The following JMJD1C variants were observed in gnomAD, a reference collection of about 807,000 sequenced individuals.
JMJD1C encodes jumonji domain containing 1C.
In JMJD1C, 31 loss-of-function variants were observed where a neutral mutation model predicts 245.3. The observed-to-expected ratio is 0.13, with a 90% CI of 0.09 to 0.17. The LOEUF (loss-of-function observed/expected upper bound fraction) is 0.17, where lower values mean the gene tolerates loss of function less well. JMJD1C is among the 10% of genes least tolerant of loss of function. The pLI, the probability that JMJD1C is intolerant of heterozygous loss-of-function variation, is 1.00. For missense variants in JMJD1C, 2,691 were observed against 3,000.2 expected (o/e 0.90, Z 2.41); for synonymous variants, 1,057 against 1,017.4 (o/e 1.04, Z -0.74).
chr10:63,261,521 C>T (rs1854749771), intron 3 of JMJD1C, among the ~76,000 whole-genome samples: 1 of 151,708 alleles, frequency 6.6e-6, no homozygotes, highest in Admixed American at 6.6e-5. Flanking sequence ...GCGGAGGTTG[C>T]AGTGAGCTGA....
At chr10:63,248,462 A>G (rs1253770027) in intron 3 of JMJD1C, among the ~76,000 whole-genome samples, 1 of 152,024 alleles carries the variant, frequency 6.6e-6, no homozygotes, top group Non-Finnish European at 1.5e-5. Flanking sequence ...CAGAGGTTGC[A>G]GTGAGCTCAG....
At chr10:63,400,247 C>T (rs965531493) in intron 1 of JMJD1C, among the ~76,000 whole-genome samples, 1 of 152,060 alleles carries the variant, frequency 6.6e-6, no homozygotes, top group African/African-American at 2.4e-5. Flanking sequence ...TGTATTTTTG[C>T]CATTCTATCT....
intron 1 of JMJD1C, among the ~76,000 whole-genome samples, chr10:63,400,336 T>C (rs143097708): frequency 6.6e-6 from 1 of 152,300 alleles, no homozygotes; most frequent in Non-Finnish European, 1.5e-5. Context: ...GTTATACCAC[T>C]CTGCATTCCA....
intron 2 of JMJD1C, among the ~76,000 whole-genome samples, chr10:63,276,723 A>G (rs1205913317): frequency 2.0e-5 from 3 of 151,908 alleles, no homozygotes; most frequent in Non-Finnish European, 2.9e-5. Flanking sequence ...TCAACCTCCC[A>G]GTGCTGGGAT....
chr10:63,354,331 C>A (rs1001685909), intron 2 of JMJD1C, among the ~76,000 whole-genome samples: 3 of 152,096 alleles, frequency 2.0e-5, no homozygotes, highest in Admixed American at 6.5e-5. Flanking sequence ...TTTTTCTTAA[C>A]CTAAAATTAT....
chr10:63,262,269 T>C (rs1448153872), intron 3 of JMJD1C, among the ~76,000 whole-genome samples: 1 of 152,170 alleles, frequency 6.6e-6, no homozygotes, highest in African/African-American at 2.4e-5. Flanking sequence ...ATAGAGCCAT[T>C]GTAATTACAC....
intron 2 of JMJD1C, among the ~76,000 whole-genome samples, chr10:63,321,784 T>C (rs2134112080): frequency 6.6e-6 from 1 of 152,334 alleles, no homozygotes; most frequent in South Asian, 2.1e-4. Context: ...TTCAAAGGCG[T>C]GAAGAGCTTC....
At chr10:63,446,635 A>T (rs1951735646) in intron 1 of JMJD1C, among the ~76,000 whole-genome samples, 1 of 152,220 alleles carries the variant, frequency 6.6e-6, no homozygotes, top group Non-Finnish European at 1.5e-5. Context: ...AAACCAAGTG[A>T]GCATAATGTC....
At chr10:63,402,218 T>C (rs528352776) in intron 1 of JMJD1C, among the ~76,000 whole-genome samples, 2 of 151,150 alleles carry the variant, frequency 1.3e-5, no homozygotes, top group African/African-American at 2.4e-5. Flanking sequence ...ATGGTCAAAA[T>C]TCATGAAAAA....
At chr10:63,238,900 C>T (rs1186649050) in intron 3 of JMJD1C, among the ~76,000 whole-genome samples, 6 of 152,178 alleles carry the variant, frequency 3.9e-5, no homozygotes, top group African/African-American at 1.4e-4. Context: ...GACAAAGTTC[C>T]TGACCTCAAG....
At chr10:63,355,194 A>G (rs944230486) in intron 2 of JMJD1C, among the ~76,000 whole-genome samples, 8 of 152,164 alleles carry the variant, frequency 5.3e-5, no homozygotes. Context: ...TCACAGATTC[A>G]TAAGAAATTG....
At chr10:63,486,785 TA>T (rs1954014481) in intron 1 of JMJD1C, among the ~76,000 whole-genome samples, 2 of 152,146 alleles carry the variant, frequency 1.3e-5, no homozygotes, top group African/African-American at 4.8e-5. Context: ...AATATTACCC[TA>T]AAATGGGGCT....
chr10:63,237,348 T>TAAAA (rs10671215), intron 3 of JMJD1C, among the ~76,000 whole-genome samples: 2 of 151,904 alleles, frequency 1.3e-5, no homozygotes, highest in Non-Finnish European at 2.9e-5. Flanking sequence ...AAACACTCAC[T>TAAAA]AAAAATTTTT....
intron 13 of JMJD1C, among the ~76,000 whole-genome samples, chr10:63,196,611 GC>G (rs1433336418): frequency 6.6e-6 from 1 of 152,192 alleles, no homozygotes; most frequent in African/African-American, 2.4e-5. Flanking sequence ...AAAAAGAGCG[GC>G]CTGAAATGAA....
In JMJD1C at chr10:63,202,353, T is replaced by C; in HGVS notation, c.5075-1676A>G. The C allele has an allele frequency of 4.1e-6, 4 of 984,434 alleles. No individual in the cohort carries two copies. In the South Asian group the frequency reaches 1.4e-4, roughly 35 times the overall value. 61.0% of individuals were successfully genotyped at this position (984,434 alleles called of 1,614,324 possible). On this transcript the variant is annotated intron_variant, in intron 10 of 25. Coordinates refer to ENST00000399262, the MANE Select transcript of JMJD1C (RefSeq NM_032776.3). Reference sequence around the variant, plus strand: ...TTGCACCCATATTAATGTATCTATATGTCAGATATTAGATTTACATAGTTT... The same window carrying C: ...TTGCACCCATATTAATGTATCTATACGTCAGATATTAGATTTACATAGTTT...
intron 1 of JMJD1C, among the ~76,000 whole-genome samples, chr10:63,405,587 T>C (rs1430815364): frequency 1.3e-5 from 2 of 152,064 alleles, no homozygotes; most frequent in African/African-American, 4.8e-5. Context: ...TCTCCCAAAG[T>C]GCGGGGATTA....
rs1205721922 is a variant in JMJD1C at position 63,296,003 on chromosome 10, G to GTATATA, written c.334-31245_334-31240dup. Among the ~76,000 whole-genome samples, 54 of 95,720 alleles carry GTATATA rather than the reference G, an allele frequency of 5.6e-4. 3 individuals carry two copies. The highest frequency in any genetic ancestry group is 1.9e-3 in the African/African-American group (49 of 25,838). 62.8% of individuals were successfully genotyped at this position (95,720 alleles called of 152,430 possible). On this transcript the variant is annotated intron_variant, in intron 2 of 25. Coordinates refer to ENST00000399262, the MANE Select transcript of JMJD1C (RefSeq NM_032776.3). ...TGTGTGTGTGTGTGTGTGTGTGTGT[G>GTATATA]TATATATATATTTTTTTTTTTTTCT...
chr10:63,289,808 C>T (rs1474513448), intron 2 of JMJD1C, among the ~76,000 whole-genome samples: 1 of 152,054 alleles, frequency 6.6e-6, no homozygotes, highest in Non-Finnish European at 1.5e-5. Flanking sequence ...TATTAGATCA[C>T]AGATGCCACA....
intron 2 of JMJD1C, among the ~76,000 whole-genome samples, chr10:63,342,854 G>A (rs1397332060): frequency 6.6e-6 from 1 of 152,068 alleles, no homozygotes; most frequent in African/African-American, 2.4e-5. Context: ...TTTGTTTAAT[G>A]CACACCATTA....
Sources: gnomAD v4.1 joint callset for allele counts (sites outside exome capture counted in the v4.1 genomes callset) on GRCh38, gnomAD v4.1.1 for gene constraint, MANE v1.5 for transcripts, NCBI Gene and HGNC (gene_info 2026-07-23, HGNC 2026-07-21) for gene names.